The following PFKM variants were observed in gnomAD, a reference collection of about 807,000 sequenced individuals.
PFKM encodes ATP-dependent 6-phosphofructokinase, muscle type.
Under a neutral mutation model 95.5 loss-of-function variants are expected in PFKM, and 58 were observed. The ratio of observed to expected loss-of-function variants is 0.61; its 90% CI spans 0.49 to 0.76. The LOEUF is 0.76. PFKM is among the 30% of genes least tolerant of loss of function. PFKM has a pLI of 0.00. For missense variants in PFKM, 678 were observed against 1,005.4 expected (o/e 0.67, Z 4.40); for synonymous variants, 336 against 357.2 (o/e 0.94, Z 0.67).
At chr12:48,108,740 A>G (rs545811031) in intron 3 of PFKM, among the ~76,000 whole-genome samples, 1 of 152,362 alleles carries the variant, frequency 6.6e-6, no homozygotes, top group African/African-American at 2.4e-5. Flanking sequence ...ACTTAAATAC[A>G]TCTATATTGG....
chr12:48,106,971 A>G (rs145178982), intron 1 of PFKM, among the ~76,000 whole-genome samples: 64 of 152,300 alleles, frequency 4.2e-4, no homozygotes, highest in African/African-American at 1.5e-3. Flanking sequence ...ATGGGAAGAA[A>G]TATGTTTGTT....
intron 12 of PFKM, 73 bp from the exon 13 acceptor site, chr12:48,139,776 G>T: frequency 9.7e-7 from 1 of 1,028,998 alleles, no homozygotes; most frequent in South Asian, 1.3e-5. Context: ...CAACACTTCA[G>T]ACCAGGATCT....
chr12:48,105,676 T>C (rs1024133697), upstream of PFKM: 2 of 438,844 alleles, frequency 4.6e-6, no homozygotes, highest in Non-Finnish European at 4.3e-6. Context: ...AAGACCCAGC[T>C]CTGGCGGGAA....
intron 7 of PFKM, 58 bp from the exon 8 acceptor site, chr12:48,134,663 G>T: frequency 1.7e-6 from 2 of 1,177,126 alleles, no homozygotes; most frequent in South Asian, 1.2e-5. Context: ...TGTTGGGTAT[G>T]GGTGAGGCTA....
intron 9 of PFKM, 90 bp from the exon 10 acceptor site, chr12:48,135,201 T>G: frequency 1.6e-6 from 2 of 1,233,428 alleles, no homozygotes; most frequent in Non-Finnish European, 2.4e-6. Flanking sequence ...GACAAGAGGC[T>G]GAGCTGTCCA....
At position 48,136,822 on chromosome 12, in the gene PFKM, C is replaced by T. The variant is rs1474469824; in HGVS notation, c.937-899C>T. Among the ~76,000 whole-genome samples, 5 of 150,824 alleles carry T rather than the reference C, an allele frequency of 3.3e-5. No individual in the cohort carries two copies. The East Asian group carries it at 5.9e-4, about 18-fold the overall frequency. ...AGGCTGGAGTGCAGTGGCATGGTCT[C>T]AGCTCACTGCAACCTCTGCCCCCTG... On this transcript the variant is annotated intron_variant, in intron 10 of 22. Transcript: ENST00000359794.
intron 3 of PFKM, among the ~76,000 whole-genome samples, chr12:48,112,256 GT>G (rs1947257567): frequency 6.6e-6 from 1 of 152,162 alleles, no homozygotes; most frequent in African/African-American, 2.4e-5. Context: ...GCTTTTGTGA[GT>G]TTATATAATG....
chr12:48,142,860 G>A lies in PFKM; in HGVS notation c.1732G>A (p.Gly578Ser). Residue 578 changes from glycine to serine, a missense_variant, in exon 18 of 23, where the codon GGC (glycine) becomes AGC (serine). Coordinates refer to ENST00000359794, the MANE Select transcript of PFKM (RefSeq NM_000289.6). ...CATTGAGACTATGGGTGGCTACTGT[G>A]GCTACCTGGCTACCATGGCTGGACT... ...FIIETMGGYC[G>S]YLATMAGLAA... The A allele has an allele frequency of 6.2e-7, 1 of 1,614,056 alleles. No homozygotes were observed. Among genetic ancestry groups the A allele is most frequent in the Non-Finnish European group, 8.5e-7 (1 of 1,179,976 alleles).
intron 3 of PFKM, among the ~76,000 whole-genome samples, chr12:48,113,455 C>T (rs1222193957): frequency 6.6e-6 from 1 of 152,144 alleles, no homozygotes; most frequent in Non-Finnish European, 1.5e-5. Flanking sequence ...GCCAGAGTTC[C>T]AGGGGATCTG....
chr12:48,109,144 G>GT (rs1203210447), intron 3 of PFKM, among the ~76,000 whole-genome samples: 1 of 152,240 alleles, frequency 6.6e-6, no homozygotes, highest in Non-Finnish European at 1.5e-5. Context: ...GGAACAATGT[G>GT]TAAGTTAAGA....
At chr12:48,106,103 C>A in exon 1 of PFKM, 1 of 702,706 alleles carries the variant, frequency 1.4e-6, no homozygotes, top group South Asian at 1.5e-5. Context: ...CGCCGCGAAC[C>A]GGAACCGCCT....
chr12:48,117,867 A>G (rs537040863), upstream of PFKM, among the ~76,000 whole-genome samples: 3 of 152,342 alleles, frequency 2.0e-5, no homozygotes, highest in African/African-American at 7.2e-5. Context: ...TGTAAGATGT[A>G]CATTCATTTA....
At chr12:48,125,209 C>T in intron 2 of PFKM, 1 of 358,688 alleles carries the variant, frequency 2.8e-6, no homozygotes, top group Non-Finnish European at 5.5e-6. Flanking sequence ...AGCCTTATGA[C>T]ATCGGCATAT....
intron 2 of PFKM, chr12:48,108,009 A>G: frequency 6.4e-7 from 1 of 1,557,186 alleles, no homozygotes. Flanking sequence ...AATGAAAGGG[A>G]GTAAGGAACA....
chr12:48,107,532 G>A (rs1946793603), intron 2 of PFKM: 4 of 914,482 alleles, frequency 4.4e-6, no homozygotes, highest in Admixed American at 1.9e-5. Context: ...AGGATGTGAG[G>A]CTTTCTAGTG....
upstream of PFKM, chr12:48,118,556 G>A (rs908880044): frequency 4.6e-5 from 69 of 1,516,272 alleles, no homozygotes; most frequent in African/African-American, 8.5e-4. Flanking sequence ...CCCGACTGTG[G>A]AGACAATGAA....
chr12:48,127,393 A>T (rs1005361051), intron 2 of PFKM, among the ~76,000 whole-genome samples: 2 of 152,180 alleles, frequency 1.3e-5, no homozygotes, highest in African/African-American at 2.4e-5. Flanking sequence ...CCAAATATGA[A>T]TGTATCACCC....
At position 48,135,393 on chromosome 12, in the gene PFKM, T is replaced by C. The variant is rs2135925401; in HGVS notation, c.936+10T>C. The C allele has an allele frequency of 6.3e-7, 1 of 1,594,336 alleles. No individual in the cohort carries two copies. Among genetic ancestry groups the C allele is most frequent in the Non-Finnish European group, 8.6e-7 (1 of 1,161,950 alleles). The stretch of plus-strand genomic sequence containing the variant: ...CTTTGACAGAATTCTGGTAAGTCAC[T>C]GGGCTGTGTGGCCCTCATGCCTTGA... On this transcript the variant is annotated intron_variant, in intron 10 of 22. Coordinates refer to ENST00000359794, the MANE Select transcript of PFKM (RefSeq NM_000289.6).
At chr12:48,110,595 C>T (rs1013615392) in intron 3 of PFKM, among the ~76,000 whole-genome samples, 16 of 152,270 alleles carry the variant, frequency 1.1e-4, no homozygotes, top group African/African-American at 3.6e-4. Flanking sequence ...TAAAAAACCC[C>T]TGGCCTGATG....
Sources: gnomAD v4.1 joint callset for allele counts (sites outside exome capture counted in the v4.1 genomes callset) on GRCh38, gnomAD v4.1.1 for gene constraint, MANE v1.5 for transcripts, NCBI Gene and HGNC (gene_info 2026-07-23, HGNC 2026-07-21) for gene names.